PRDM5: variants seen among roughly 807,000 people sequenced by gnomAD.
PRDM5 encodes PR/SET domain 5.
PRDM5 carries 56 observed loss-of-function variants against 81.2 expected under a neutral mutation model. The observed-to-expected ratio is 0.69, with a 90% CI of 0.56 to 0.86. The LOEUF (loss-of-function observed/expected upper bound fraction) is 0.86. PRDM5 is among the 40% of genes least tolerant of loss of function. The pLI, the probability that PRDM5 is intolerant of heterozygous loss-of-function variation, is 0.00. For synonymous variants in PRDM5, 267 were observed against 256.4 expected, an observed-to-expected ratio of 1.04 and a Z score of -0.39; for missense variants, 697 against 770.1, an observed-to-expected ratio of 0.91 and a Z score of 1.12.
downstream of PRDM5, among the ~76,000 whole-genome samples, chr4:120,690,517 T>G (rs980918899): frequency 1.3e-5 from 2 of 152,032 alleles, no homozygotes; most frequent in Admixed American, 1.3e-4. Flanking sequence ...TGTAAAATTT[T>G]CATATAATCA....
chr4:120,798,118 T>G, intron 10 of PRDM5, 149 bp downstream of exon 10: 1 of 513,108 alleles, frequency 1.9e-6, no homozygotes, highest in Non-Finnish European at 3.2e-6. Flanking sequence ...AAGGAGGCTG[T>G]GAGGGGTTAT....
At chr4:120,788,321 A>G (rs1463360277) in intron 10 of PRDM5, among the ~76,000 whole-genome samples, 1 of 152,202 alleles carries the variant, frequency 6.6e-6, no homozygotes, top group Non-Finnish European at 1.5e-5. Context: ...AATGCAAAAC[A>G]TAATATAAAG....
chr4:120,746,007 G>C (rs1742939001), intron 14 of PRDM5, among the ~76,000 whole-genome samples: 1 of 149,178 alleles, frequency 6.7e-6, no homozygotes, highest in South Asian at 2.2e-4. Flanking sequence ...AAAGCTGGAG[G>C]CATCACACTA....
At chr4:120,845,081 G>A (rs969443766) in intron 3 of PRDM5, among the ~76,000 whole-genome samples, 1 of 152,146 alleles carries the variant, frequency 6.6e-6, no homozygotes, top group African/African-American at 2.4e-5. Flanking sequence ...AAGAAAGGCT[G>A]GATGCTAGCA....
intron 8 of PRDM5, among the ~76,000 whole-genome samples, chr4:120,809,927 G>A (rs1753587092): frequency 6.6e-6 from 1 of 151,900 alleles, no homozygotes; most frequent in African/African-American, 2.4e-5. Context: ...ACATAGGAGT[G>A]TCTGATGCCT....
chr4:120,843,292 C>G lies in PRDM5; in HGVS notation c.300+10126G>C, dbSNP rs547448390. Among the ~76,000 whole-genome samples the G allele has an allele frequency of 2.0e-5, 3 of 152,206 alleles. No individual in the cohort carries two copies. In the South Asian group the frequency reaches 6.2e-4, roughly 32 times the overall value. On this transcript the variant is annotated intron_variant, in intron 3 of 15. Coordinates refer to ENST00000264808, the MANE Select transcript of PRDM5 (RefSeq NM_018699.4). ...GAGGTCGCAGTGAGCCGAGATTGTG[C>G]CACTGCATCACTCCAGCCTGGGCAA...
At chr4:120,910,618 A>C (rs1239172720) in intron 1 of PRDM5, among the ~76,000 whole-genome samples, 4 of 152,204 alleles carry the variant, frequency 2.6e-5, no homozygotes, top group African/African-American at 7.2e-5. Flanking sequence ...CACATCTATG[A>C]AAGGGAAGTT....
intron 2 of PRDM5, among the ~76,000 whole-genome samples, chr4:120,894,330 T>C (rs1003401209): frequency 6.6e-6 from 1 of 152,222 alleles, no homozygotes; most frequent in Non-Finnish European, 1.5e-5. Flanking sequence ...TAAACCAACA[T>C]TATTATTGTC....
chr4:120,812,247 T>C (rs1753945755), intron 7 of PRDM5, among the ~76,000 whole-genome samples: 1 of 152,168 alleles, frequency 6.6e-6, no homozygotes, highest in Non-Finnish European at 1.5e-5. Flanking sequence ...GCAATAAACA[T>C]GGGAGTGCAG....
At position 120,917,100 on chromosome 4, in the gene PRDM5, G is replaced by A. The variant is rs76014649; in HGVS notation, c.93+5416C>T. 2.6e-3 allele frequency among the ~76,000 whole-genome samples: 400 copies of A among 152,238 alleles called. 1 individual carries two copies. The highest frequency in any genetic ancestry group is 9.2e-3 in the African/African-American group (384 of 41,544). On this transcript the variant is annotated intron_variant, in intron 1 of 15. Transcript: ENST00000264808. Reference sequence around the variant, plus strand: ...GTGGCCTAAAGGGCTCTAAGCAGTGGATCTTCCCCTAACACTCATCCCTTC... The same window carrying A: ...GTGGCCTAAAGGGCTCTAAGCAGTGAATCTTCCCCTAACACTCATCCCTTC...
Position 120,878,149 on chromosome 4 carries a change from C to T in PRDM5, c.178-24609G>A, listed in dbSNP as rs186816475. Among the ~76,000 whole-genome samples, 1,227 of 152,280 alleles carry T rather than the reference C, an allele frequency of 8.1e-3. 7 individuals are homozygous for T. The highest frequency in any genetic ancestry group is 0.013 in the Non-Finnish European group (902 of 68,014). On this transcript the variant is annotated intron_variant, in intron 2 of 15. Transcript: ENST00000264808. Reference sequence around the variant, plus strand: ...AGAAGGACTACAGAAGATCTAATTTCTGTAGACTTTCATTTCTGTATTCTT... The same window carrying T: ...AGAAGGACTACAGAAGATCTAATTTTTGTAGACTTTCATTTCTGTATTCTT...
At chr4:120,856,096 G>T (rs984065545) in intron 2 of PRDM5, among the ~76,000 whole-genome samples, 1 of 152,054 alleles carries the variant, frequency 6.6e-6, no homozygotes, top group Non-Finnish European at 1.5e-5. Context: ...AGGCCCTTTA[G>T]CCCCAACTAT....
At chr4:120,886,364 G>T (rs1400131927) in intron 2 of PRDM5, among the ~76,000 whole-genome samples, 7 of 152,156 alleles carry the variant, frequency 4.6e-5, no homozygotes, top group Non-Finnish European at 8.8e-5. Flanking sequence ...TTGGAAACCT[G>T]GTACTGAACC....
chr4:120,856,889 A>C (rs1759938570), intron 2 of PRDM5, among the ~76,000 whole-genome samples: 1 of 152,162 alleles, frequency 6.6e-6, no homozygotes, highest in Non-Finnish European at 1.5e-5. Context: ...CTTTTATTTG[A>C]ATTTTCTTGG....
At chr4:120,702,536 C>A (rs937376908) in intron 15 of PRDM5, among the ~76,000 whole-genome samples, 1 of 152,000 alleles carries the variant, frequency 6.6e-6, no homozygotes, top group Non-Finnish European at 1.5e-5. Flanking sequence ...TGTCTCCTTG[C>A]TAAACTAAGG....
intron 8 of PRDM5, among the ~76,000 whole-genome samples, chr4:120,801,756 C>T (rs1752145991): frequency 6.6e-6 from 1 of 152,214 alleles, no homozygotes; most frequent in Non-Finnish European, 1.5e-5. Flanking sequence ...CCTCTTCAAT[C>T]ATCAAAGACT....
chr4:120,689,020 TTATC>T (rs1467157263), downstream of PRDM5, among the ~76,000 whole-genome samples: 1 of 152,160 alleles, frequency 6.6e-6, no homozygotes, highest in Non-Finnish European at 1.5e-5. Context: ...TATACCCCCT[TTATC>T]TAGATCTGTG....
chr4:120,916,814 C>T (rs1339918513), intron 1 of PRDM5, among the ~76,000 whole-genome samples: 1 of 152,214 alleles, frequency 6.6e-6, no homozygotes, highest in East Asian at 1.9e-4. Flanking sequence ...CCCATTCTTT[C>T]ACACTTCACA....
intron 1 of PRDM5, among the ~76,000 whole-genome samples, chr4:120,919,668 T>C (rs1296766035): frequency 6.6e-6 from 1 of 152,232 alleles, no homozygotes. Context: ...TTATGAGTTT[T>C]GAGTAACTAA....
Sources: allele counts gnomAD v4.1 joint callset (sites outside exome capture counted in the v4.1 genomes callset), GRCh38; gene constraint gnomAD v4.1.1; transcripts MANE v1.5; gene names NCBI Gene and HGNC (gene_info 2026-07-23, HGNC 2026-07-21).